The following ROR2 variants were observed in gnomAD, a reference collection of about 807,000 sequenced individuals.
ROR2 encodes the protein ROR family WNT receptor 2, also known as tyrosine-protein kinase transmembrane receptor ROR2.
In ROR2, 33 loss-of-function variants were observed where a neutral mutation model predicts 74.9. The observed-to-expected ratio is 0.44, with a 90% CI of 0.33 to 0.59. The LOEUF (loss-of-function observed/expected upper bound fraction) is 0.59. ROR2 is among the 20% of genes least tolerant of loss of function. The pLI is 0.02. For synonymous variants in ROR2, 586 were observed against 558.7 expected (o/e 1.05, Z -0.69); for missense variants, 1,216 against 1,313.8 (o/e 0.93, Z 1.15).
At position 91,733,244 on chromosome 9, in the gene ROR2, C is replaced by A. The variant is rs1208561867; in HGVS notation, c.815G>T (p.Arg272Leu). 1 of 1,612,648 alleles carries A rather than the reference C, an allele frequency of 6.2e-7. No homozygotes were observed. The highest frequency in any genetic ancestry group is 8.5e-7 in the Non-Finnish European group (1 of 1,179,668). ...DLCRQEYTIARSNPLILMRLQ... is the reference protein window; with the variant it reads ...DLCRQEYTIALSNPLILMRLQ... ...CCGCATGAGGATGAGCGGGTTGGAGCGGGCGATGGTGTACTCCTGGCGGCA... is the reference window on the plus strand; with the variant it reads ...CCGCATGAGGATGAGCGGGTTGGAGAGGGCGATGGTGTACTCCTGGCGGCA... Residue 272 changes from arginine (R) to leucine (L), a missense_variant, in exon 6 of 9, where the codon CGC becomes CTC. Arg to Leu is a moderately radical substitution (Grantham distance 102, BLOSUM62 -2). Transcript: ENST00000375708. This position sits in a 1 kb window ranked among gnomAD's most constrained non-coding sequence, Gnocchi z 5.7.
At chr9:91,866,018 C>T (rs73517077) in intron 1 of ROR2, among the ~76,000 whole-genome samples, 10,810 of 152,286 alleles carry the variant, frequency 0.071, 448 homozygotes, top group Middle Eastern at 0.13. Flanking sequence ...ATATTGGCAT[C>T]ACAGTGAAAA....
At chr9:91,870,355 A>G (rs1829761263) in intron 1 of ROR2, among the ~76,000 whole-genome samples, 1 of 152,194 alleles carries the variant, frequency 6.6e-6, no homozygotes. Flanking sequence ...CTTCGTACGG[A>G]GCAACAGCAG....
At position 91,805,882 on chromosome 9, in the gene ROR2, C is replaced by A. The variant is rs563836110; in HGVS notation, c.98-30064G>T. Among the ~76,000 whole-genome samples the A allele has an allele frequency of 2.9e-4, 44 of 152,326 alleles. No individual in the cohort carries two copies. The South Asian group carries it at 8.9e-3, about 31-fold the overall frequency. On this transcript the variant is annotated intron_variant, in intron 1 of 8. Coordinates refer to ENST00000375708, the MANE Select transcript of ROR2 (RefSeq NM_004560.4). ...GGTACAGACTATGCCCAGATGACAT[C>A]CTCACAGGGACAAAACTGATGGAAT...
chr9:91,883,057 G>A (rs2030991), intron 1 of ROR2, among the ~76,000 whole-genome samples: 50,029 of 151,994 alleles, frequency 0.33, 8,716 homozygotes, highest in East Asian at 0.49. Flanking sequence ...CCAACATGAT[G>A]CTCCAAGGAA....
intron 5 of ROR2, among the ~76,000 whole-genome samples, chr9:91,736,060 C>T (rs1426796989): frequency 6.6e-6 from 1 of 152,180 alleles, no homozygotes; most frequent in Non-Finnish European, 1.5e-5. Context: ...AGTATATTCT[C>T]TATTTTCCAC....
At chr9:91,807,797 G>C (rs1384949351) in intron 1 of ROR2, among the ~76,000 whole-genome samples, 3 of 152,094 alleles carry the variant, frequency 2.0e-5, no homozygotes, top group Admixed American at 2.0e-4. Flanking sequence ...AAAAATACTT[G>C]AGAGTTTTTC....
At chr9:91,785,656 G>A (rs894588182) in intron 1 of ROR2, among the ~76,000 whole-genome samples, 9 of 152,250 alleles carry the variant, frequency 5.9e-5, no homozygotes, top group Admixed American at 2.6e-4. Context: ...TGCTCCAGAT[G>A]TGGGGTGGTG....
chr9:91,852,965 C>T (rs1332408717), intron 1 of ROR2, among the ~76,000 whole-genome samples: 2 of 152,230 alleles, frequency 1.3e-5, no homozygotes, highest in Non-Finnish European at 2.9e-5. Context: ...CCCTCTTCAG[C>T]GCATGCTCTG....
At chr9:91,846,031 ACACT>A (rs1312412134) in intron 1 of ROR2, among the ~76,000 whole-genome samples, 2 of 152,106 alleles carry the variant, frequency 1.3e-5, no homozygotes, top group Admixed American at 6.5e-5. Flanking sequence ...GAGGTGACTA[ACACT>A]CACACAGGGA....
chr9:91,855,168 A>AGGACCCCCCTTATCCCG (rs1829240233), intron 1 of ROR2, among the ~76,000 whole-genome samples: 8 of 152,026 alleles, frequency 5.3e-5, no homozygotes, highest in African/African-American at 1.7e-4. Context: ...CCCTTATCCC[A>AGGACCCCCCTTATCCCG]CAGGACCCAC....
At chr9:91,755,868 C>G (rs1825733454) in intron 4 of ROR2, 3 of 629,656 alleles carry the variant, frequency 4.8e-6, no homozygotes, top group Non-Finnish European at 8.5e-6. Context: ...TTTTGTTTTT[C>G]TGACTTTTTT....
chr9:91,950,152 A>C lies in ROR2; in HGVS notation c.-189T>G. The stretch of plus-strand genomic sequence containing the variant: ...TGCGCCGCTCGGCTCCGGCCACGGC[A>C]AGGGCTGGCTGGGGAGGTTCCTTGG... On this transcript the variant is annotated 5_prime_UTR_variant, in exon 1 of 9. Transcript: ENST00000375708. The C allele has an allele frequency of 2.6e-6, 1 of 385,758 alleles. No individual in the cohort carries two copies. The highest frequency in any genetic ancestry group is 6.8e-5 in the South Asian group (1 of 14,696). 23.9% of individuals were successfully genotyped at this position (385,758 alleles called of 1,614,324 possible).
chr9:91,895,271 G>A (rs115132021), intron 1 of ROR2, among the ~76,000 whole-genome samples: 4,075 of 152,314 alleles, frequency 0.027, 75 homozygotes, highest in Middle Eastern at 0.11. Context: ...TGAATAAGTG[G>A]AGTACAGAAA....
intron 7 of ROR2, 150 bp from the exon 8 acceptor site, chr9:91,726,893 C>T: frequency 1.3e-6 from 1 of 776,958 alleles, no homozygotes; most frequent in Non-Finnish European, 2.2e-6. Flanking sequence ...GGGCACACCA[C>T]ACCTTAAAAA....
chr9:91,899,750 C>T (rs1830624714), intron 1 of ROR2, among the ~76,000 whole-genome samples: 1 of 152,154 alleles, frequency 6.6e-6, no homozygotes, highest in Non-Finnish European at 1.5e-5. Context: ...CACACATATA[C>T]ACTCACACAC....
intron 2 of ROR2, among the ~76,000 whole-genome samples, chr9:91,763,790 C>T (rs1172101795): frequency 6.6e-6 from 1 of 152,136 alleles, no homozygotes; most frequent in African/African-American, 2.4e-5. Context: ...TGTAATATAT[C>T]TTATGACATT....
Position 91,948,397 on chromosome 9 carries a change from C to A in ROR2, c.97+1470G>T, listed in dbSNP as rs929480814. On this transcript the variant is annotated intron_variant, in intron 1 of 8. Coordinates refer to ENST00000375708, the MANE Select transcript of ROR2 (RefSeq NM_004560.4). ...TTCTTGGGGGAGGGGTTGCAGAAATCGACAGAGGTCTTGAGTGATGGATAC... is the reference window on the plus strand; with the variant it reads ...TTCTTGGGGGAGGGGTTGCAGAAATAGACAGAGGTCTTGAGTGATGGATAC... Among the ~76,000 whole-genome samples the A allele has an allele frequency of 2.0e-5, 3 of 152,174 alleles. No individual in the cohort carries two copies. In the East Asian group the frequency reaches 5.8e-4, roughly 29 times the overall value.
chr9:91,814,649 G>C (rs1477950179), intron 1 of ROR2, among the ~76,000 whole-genome samples: 7 of 152,320 alleles, frequency 4.6e-5, no homozygotes, highest in African/African-American at 1.7e-4. Flanking sequence ...CACGTTTACA[G>C]GCTCCCTCAT....
chr9:91,858,412 C>T (rs993600507), intron 1 of ROR2, among the ~76,000 whole-genome samples: 6 of 152,146 alleles, frequency 3.9e-5, no homozygotes, highest in African/African-American at 1.4e-4. Flanking sequence ...TTCACACAGG[C>T]ACACACAGGC....
Sources: gnomAD v4.1 joint callset for allele counts (sites outside exome capture counted in the v4.1 genomes callset) on GRCh38, gnomAD v4.1.1 for gene constraint, Gnocchi (gnomAD v3.1) non-coding constraint, MANE v1.5 for transcripts, NCBI Gene and HGNC (gene_info 2026-07-23, HGNC 2026-07-21) for gene names.